ANGPT4: variants seen among roughly 807,000 people sequenced by gnomAD.
ANGPT4 encodes the protein angiopoietin 4.
Under a neutral mutation model 53.0 loss-of-function variants are expected in ANGPT4, and 50 were observed. The ratio of observed to expected loss-of-function variants is 0.94; its 90% CI spans 0.75 to 1.20. ANGPT4 has a LOEUF of 1.20. ANGPT4 is among the 50% of genes most tolerant of loss of function. The pLI is 0.00. For missense variants in ANGPT4, 648 were observed against 637.1 expected, an observed-to-expected ratio of 1.02 and a Z score of -0.18; for synonymous variants, 251 against 259.7, an observed-to-expected ratio of 0.97 and a Z score of 0.32.
In ANGPT4 at chr20:885,811, T is replaced by C. The variant is rs1473942815; in HGVS notation, c.588-486A>G. Among the ~76,000 whole-genome samples, 7 of 152,078 alleles carry C rather than the reference T, an allele frequency of 4.6e-5. No homozygotes were observed. In the East Asian group the frequency reaches 1.3e-3, roughly 29 times the overall value. On this transcript the variant is annotated intron_variant, in intron 3 of 8. Transcript: ENST00000381922. ...TGAAGGAGGAGGCATTTGCACAGAA[T>C]TGGAAAGATGCCCAGGACTTGGGGC...
At chr20:909,648 T>C (rs1394996930) in intron 1 of ANGPT4, among the ~76,000 whole-genome samples, 2 of 152,146 alleles carry the variant, frequency 1.3e-5, no homozygotes, top group African/African-American at 4.8e-5. Flanking sequence ...ACCTGCAAAG[T>C]AGCTTCTGTT....
intron 3 of ANGPT4, among the ~76,000 whole-genome samples, chr20:887,568 A>G (rs1981661475): frequency 6.6e-6 from 1 of 150,874 alleles, no homozygotes; most frequent in Non-Finnish European, 1.5e-5. Flanking sequence ...TTCTTCACTC[A>G]GCTTGAAACT....
intron 3 of ANGPT4, among the ~76,000 whole-genome samples, chr20:886,504 C>T (rs529697797): frequency 6.6e-6 from 1 of 152,244 alleles, no homozygotes; most frequent in Admixed American, 6.5e-5. Context: ...TACAGATGCT[C>T]CAAAATGTAT....
intron 1 of ANGPT4, among the ~76,000 whole-genome samples, chr20:906,669 TC>T (rs2122124714): frequency 6.6e-6 from 1 of 152,342 alleles, no homozygotes; most frequent in South Asian, 2.1e-4. Context: ...TGGCCCCTCC[TC>T]CTCTGCCTTG....
chr20:875,779 G>A (rs1387430542), intron 7 of ANGPT4, among the ~76,000 whole-genome samples: 3 of 152,152 alleles, frequency 2.0e-5, no homozygotes, highest in Non-Finnish European at 2.9e-5. Context: ...GTATGGCAGG[G>A]TTGGGGGAGG....
intron 4 of ANGPT4, among the ~76,000 whole-genome samples, chr20:883,053 T>C (rs1448071538): frequency 1.3e-5 from 2 of 152,268 alleles, no homozygotes; most frequent in Non-Finnish European, 2.9e-5. Context: ...TTTGTATGCA[T>C]GAACTCATCC....
chr20:878,626 T>C (rs1981267422), intron 6 of ANGPT4, among the ~76,000 whole-genome samples: 1 of 152,122 alleles, frequency 6.6e-6, no homozygotes, highest in African/African-American at 2.4e-5. Flanking sequence ...GAGTATTGAC[T>C]GGGAGGGGGC....
intron 1 of ANGPT4, among the ~76,000 whole-genome samples, chr20:903,107 C>G (rs1261550567): frequency 6.6e-6 from 1 of 152,176 alleles, no homozygotes; most frequent in Non-Finnish European, 1.5e-5. Context: ...GGGTACGACC[C>G]AGGCTTTAGC....
Position 895,604 on chromosome 20 carries a change from A to T in ANGPT4, c.310-5236T>A, listed in dbSNP as rs1487700198. Among the ~76,000 whole-genome samples the T allele has an allele frequency of 2.0e-5, 3 of 152,132 alleles. No individual in the cohort carries two copies. In the East Asian group the frequency reaches 5.8e-4, roughly 29 times the overall value. On this transcript the variant is annotated intron_variant, in intron 1 of 8. Transcript: ENST00000381922. ...ACAAATAACAGGTGCAGATCCGTGGATGAGCAGCCTCCGTGGCCGAGGAGA... is the reference window on the plus strand; with the variant it reads ...ACAAATAACAGGTGCAGATCCGTGGTTGAGCAGCCTCCGTGGCCGAGGAGA...
At chr20:905,450 G>A (rs1270173492) in intron 1 of ANGPT4, among the ~76,000 whole-genome samples, 1 of 152,160 alleles carries the variant, frequency 6.6e-6, no homozygotes, top group African/African-American at 2.4e-5. Flanking sequence ...AAGCAAGTTA[G>A]GAGCCTCGAG....
intron 1 of ANGPT4, among the ~76,000 whole-genome samples, chr20:901,139 C>T (rs1444973241): frequency 1.3e-5 from 2 of 152,196 alleles, no homozygotes; most frequent in African/African-American, 4.8e-5. Flanking sequence ...ATTTTCGCCA[C>T]CCCAACACTT....
intron 7 of ANGPT4, among the ~76,000 whole-genome samples, chr20:876,828 G>A (rs796886893): frequency 5.3e-5 from 8 of 152,256 alleles, no homozygotes; most frequent in African/African-American, 1.9e-4. Flanking sequence ...GGTTGGTATG[G>A]ATCCCATAAG....
At chr20:891,355 G>A (rs1332968841) in intron 1 of ANGPT4, among the ~76,000 whole-genome samples, 1 of 152,216 alleles carries the variant, frequency 6.6e-6, no homozygotes, top group African/African-American at 2.4e-5. Flanking sequence ...CAGCTCTGAT[G>A]TTCTGGGATC....
chr20:876,383 G>C (rs986530843), intron 7 of ANGPT4, among the ~76,000 whole-genome samples: 5 of 152,078 alleles, frequency 3.3e-5, no homozygotes, highest in Non-Finnish European at 7.4e-5. Flanking sequence ...GTGTAGAAAA[G>C]ACTTGGGAGG....
intron 1 of ANGPT4, 104 bp downstream of exon 1, chr20:915,802 C>A: frequency 7.4e-7 from 1 of 1,354,336 alleles, no homozygotes; most frequent in Non-Finnish European, 1.0e-6. Context: ...TCAGAGACAG[C>A]CCTCTGTGCT....
rs1309275141 is a variant in ANGPT4 at position 895,363 on chromosome 20, C to T, written c.310-4995G>A. 3.9e-5 allele frequency among the ~76,000 whole-genome samples: 6 copies of T among 152,164 alleles called. No homozygotes were observed. In the East Asian group the frequency reaches 9.6e-4, roughly 24 times the overall value. On this transcript the variant is annotated intron_variant, in intron 1 of 8. Coordinates refer to ENST00000381922, the MANE Select transcript of ANGPT4 (RefSeq NM_015985.4). ...CTGAGTTTTGGTCCCTGGTCTACTGCCCCATCCCCTTGGCCCTGGGTTTGA... is the reference window on the plus strand; with the variant it reads ...CTGAGTTTTGGTCCCTGGTCTACTGTCCCATCCCCTTGGCCCTGGGTTTGA...
At chr20:886,990 C>T (rs975094251) in intron 3 of ANGPT4, among the ~76,000 whole-genome samples, 2 of 152,116 alleles carry the variant, frequency 1.3e-5, no homozygotes, top group Non-Finnish European at 2.9e-5. Context: ...GTGCCTGACA[C>T]ATGAAAAGAG....
At chr20:878,112 C>T (rs1407884604) in intron 7 of ANGPT4, 49 bp downstream of exon 7, 2 of 1,547,962 alleles carry the variant, frequency 1.3e-6, no homozygotes, top group African/African-American at 1.4e-5. Flanking sequence ...CCAGCCCGCC[C>T]ACTAGCTGAA....
intron 1 of ANGPT4, among the ~76,000 whole-genome samples, chr20:891,085 T>C (rs1304906748): frequency 2.6e-5 from 4 of 152,208 alleles, no homozygotes; most frequent in Non-Finnish European, 5.9e-5. Context: ...TTTAGCACAA[T>C]GCATGGTGCA....
Sources: gnomAD v4.1 joint callset for allele counts (sites outside exome capture counted in the v4.1 genomes callset) on GRCh38, gnomAD v4.1.1 for gene constraint, MANE v1.5 for transcripts, NCBI Gene and HGNC (gene_info 2026-07-23, HGNC 2026-07-21) for gene names.